The following NIPSNAP1 variants were observed in gnomAD, a reference collection of about 807,000 sequenced individuals.
NIPSNAP1 encodes protein NipSnap homolog 1.
Under a neutral mutation model 49.2 loss-of-function variants are expected in NIPSNAP1, and 25 were observed. The ratio of observed to expected loss-of-function variants is 0.51; its 90% CI spans 0.37 to 0.71. NIPSNAP1 has a LOEUF of 0.71. Among genes scored for constraint, NIPSNAP1 ranks in the 30% least tolerant of loss-of-function variants. NIPSNAP1 has a pLI of 0.00. For synonymous variants in NIPSNAP1, 143 were observed against 140.7 expected (o/e 1.02, Z -0.12); for missense variants, 294 against 361.0 (o/e 0.81, Z 1.50).
chr22:29,575,128 T>G (rs2064441858), intron 1 of NIPSNAP1, among the ~76,000 whole-genome samples: 1 of 152,102 alleles, frequency 6.6e-6, no homozygotes, highest in South Asian at 2.1e-4. Context: ...AGGGGCTGCT[T>G]CCCCTGGAGG....
intron 1 of NIPSNAP1, chr22:29,580,135 G>T: frequency 7.7e-7 from 1 of 1,304,138 alleles, no homozygotes; most frequent in South Asian, 1.2e-5. Flanking sequence ...ACACAGTCCT[G>T]AGCCCTCTGA....
intron 1 of NIPSNAP1, among the ~76,000 whole-genome samples, chr22:29,572,051 C>T (rs1341089717): frequency 6.6e-6 from 1 of 152,104 alleles, no homozygotes; most frequent in Non-Finnish European, 1.5e-5. Context: ...GCCTGCAATC[C>T]CAGCACTTTG....
At chr22:29,580,302 A>G in intron 1 of NIPSNAP1, 1 of 1,232,620 alleles carries the variant, frequency 8.1e-7, no homozygotes, top group Admixed American at 2.7e-5. Flanking sequence ...AGGGCCAGTC[A>G]GGGAGGCCAA....
At chr22:29,565,309 C>G (rs955096545) in intron 4 of NIPSNAP1, among the ~76,000 whole-genome samples, 1 of 151,792 alleles carries the variant, frequency 6.6e-6, no homozygotes. Context: ...GTCAGGAGTT[C>G]GAGACCAGCC....
chr22:29,561,636 T>G lies in NIPSNAP1; in HGVS notation c.449A>C (p.Glu150Ala). 1 of 1,614,078 alleles carries G rather than the reference T, an allele frequency of 6.2e-7. No homozygotes were observed. Among genetic ancestry groups the G allele is most frequent in the Non-Finnish European group, 8.5e-7 (1 of 1,180,026 alleles). Residue 150 changes from glutamate to alanine, a missense_variant, in exon 6 of 10, where the codon GAG becomes GCG. Physicochemically the swap from Glu to Ala is moderately radical, Grantham distance 107 (BLOSUM62 -1). This residue lies in a region of NIPSNAP1 where 146 missense variants were observed against 219.9 expected (regional missense o/e 0.66). Coordinates refer to ENST00000216121, the MANE Select transcript of NIPSNAP1 (RefSeq NM_003634.4). ...CATCTGGCTCCGCTCCCTTCGGAAC[T>G]CCAGGTACTCCTGTGGGCATGGTGG... ...NKLKNNKEYL[E>A]FRRERSQMLL... is the part of the protein sequence containing the mutation.
intron 1 of NIPSNAP1, among the ~76,000 whole-genome samples, chr22:29,571,676 G>A (rs1032659255): frequency 2.6e-5 from 4 of 152,330 alleles, no homozygotes; most frequent in African/African-American, 7.2e-5. Context: ...CCTGGCAAGA[G>A]GGATCCCTGA....
At chr22:29,563,040 A>C (rs1382728376) in intron 4 of NIPSNAP1, among the ~76,000 whole-genome samples, 1 of 151,628 alleles carries the variant, frequency 6.6e-6, no homozygotes, top group African/African-American at 2.4e-5. Flanking sequence ...CAGAGCTTGC[A>C]GTGAGCCGAG....
At chr22:29,574,252 C>G (rs1490143424) in intron 1 of NIPSNAP1, among the ~76,000 whole-genome samples, 1 of 64,826 alleles carries the variant, frequency 1.5e-5, no homozygotes, top group Non-Finnish European at 2.6e-5. Flanking sequence ...GAGTGAGACT[C>G]CATCTTCACA....
At chr22:29,576,879 C>T (rs1012162524) in intron 1 of NIPSNAP1, among the ~76,000 whole-genome samples, 2 of 149,908 alleles carry the variant, frequency 1.3e-5, no homozygotes, top group Non-Finnish European at 2.9e-5. Flanking sequence ...GAGCCGAAAT[C>T]GCGCCACTGC....
rs140023072 is a variant in NIPSNAP1 at position 29,559,362 on chromosome 22, G to A, written c.707-409C>T. Among the ~76,000 whole-genome samples the A allele has an allele frequency of 4.3e-3, 654 of 152,092 alleles. 12 individuals are homozygous for A. In the Middle Eastern group the frequency reaches 0.044, roughly 10 times the overall value. ...TCGAGGCCAGTCTGGCCAACATAGC[G>A]AAACTCTGTACTAAAAATAGAAAAA... On this transcript the variant is annotated intron_variant, in intron 8 of 9. Transcript: ENST00000216121.
chr22:29,578,042 G>A (rs2064468186), intron 1 of NIPSNAP1, among the ~76,000 whole-genome samples: 1 of 150,870 alleles, frequency 6.6e-6, no homozygotes, highest in Non-Finnish European at 1.5e-5. Context: ...GGGATTACAG[G>A]CGCACACACC....
intron 4 of NIPSNAP1, among the ~76,000 whole-genome samples, chr22:29,564,733 C>T (rs1280655297): frequency 6.6e-6 from 1 of 152,120 alleles, no homozygotes; most frequent in African/African-American, 2.4e-5. Context: ...AATTGTCTAA[C>T]AACTGTGGTG....
At chr22:29,574,503 G>A (rs2064436870) in intron 1 of NIPSNAP1, among the ~76,000 whole-genome samples, 1 of 151,942 alleles carries the variant, frequency 6.6e-6, no homozygotes, top group African/African-American at 2.4e-5. Flanking sequence ...TATCAGCCTG[G>A]TGCGGTGGCT....
intron 1 of NIPSNAP1, among the ~76,000 whole-genome samples, chr22:29,574,289 A>AAAAAAAAAAAAAAGAAAGAAAAAG (rs2064434492): frequency 2.2e-4 from 28 of 125,230 alleles, no homozygotes; most frequent in African/African-American, 8.2e-4. Flanking sequence ...AAAAAAAAAA[A>AAAAAAAAAAAAAAGAAAGAAAAAG]AAAGAAAGAA....
chr22:29,574,317 T>G (rs1285657467), intron 1 of NIPSNAP1, among the ~76,000 whole-genome samples: 1 of 104,166 alleles, frequency 9.6e-6, no homozygotes, highest in African/African-American at 3.7e-5. Flanking sequence ...AGAAAATAAA[T>G]TACTTGTCCC....
intron 4 of NIPSNAP1, among the ~76,000 whole-genome samples, chr22:29,564,870 A>C (rs929369220): frequency 6.6e-6 from 1 of 152,164 alleles, no homozygotes; most frequent in Non-Finnish European, 1.5e-5. Context: ...TCAAGGTACA[A>C]AAAATGTAGG....
intron 3 of NIPSNAP1, 129 bp downstream of exon 3, chr22:29,570,033 G>T: frequency 1.3e-6 from 1 of 783,684 alleles, no homozygotes; most frequent in Non-Finnish European, 2.2e-6. Flanking sequence ...GAAAAAGGCA[G>T]AAATAAAAGA....
chr22:29,560,492 C>T (rs1429582508), intron 8 of NIPSNAP1, among the ~76,000 whole-genome samples: 2 of 152,160 alleles, frequency 1.3e-5, no homozygotes, highest in Admixed American at 6.6e-5. Flanking sequence ...GTGATTTGCC[C>T]ACCTCGGCCT....
intron 9 of NIPSNAP1, among the ~76,000 whole-genome samples, chr22:29,557,144 G>C (rs573593748): frequency 6.7e-6 from 1 of 150,114 alleles, no homozygotes; most frequent in Admixed American, 6.7e-5. Context: ...TTTGAGACAG[G>C]GTCTCACTCT....
Sources: allele counts gnomAD v4.1 joint callset (sites outside exome capture counted in the v4.1 genomes callset), GRCh38; gene constraint gnomAD v4.1.1; regional missense constraint gnomAD v4.1.1; transcripts MANE v1.5; gene names NCBI Gene and HGNC (gene_info 2026-07-23, HGNC 2026-07-21).